The following BEND4 variants were observed in gnomAD, a reference collection of about 807,000 sequenced individuals.
BEND4 encodes the protein BEN domain containing 4.
Under a neutral mutation model 54.7 loss-of-function variants are expected in BEND4, and 27 were observed. That is an observed-to-expected ratio of 0.49 (90% CI 0.36 to 0.68). The LOEUF is 0.68. BEND4 is among the 30% of genes least tolerant of loss of function. The pLI is 0.00. For missense variants in BEND4, 702 were observed against 697.2 expected (o/e 1.01, Z -0.08); for synonymous variants, 327 against 299.5 (o/e 1.09, Z -0.95).
Position 42,125,620 on chromosome 4 carries a change from T to C in BEND4, c.1109A>G (p.Gln370Arg), listed in dbSNP as rs371169633. ...GTCAGCTGGCTGTGGTATCAGGAGTTGGTTGTGGTGCTGCAGAACCATCTT... is the reference window on the plus strand; with the variant it reads ...GTCAGCTGGCTGTGGTATCAGGAGTCGGTTGTGGTGCTGCAGAACCATCTT... ...YLKMVLQHHN[Q>R]LLIPQPADQP... The change falls in exon 4 of 6, where the codon CAA becomes CGA. Residue 370 changes from glutamine to arginine, a missense_variant. Physicochemically the swap from Gln to Arg is conservative, Grantham distance 43. Transcript: ENST00000502486. 2.7e-5 allele frequency: 43 copies of C among 1,613,712 alleles called. No homozygotes were observed. Among genetic ancestry groups the C allele is most frequent in the Non-Finnish European group, 3.1e-5 (37 of 1,179,812 alleles).
intron 2 of BEND4, among the ~76,000 whole-genome samples, chr4:42,145,817 G>A (rs556251085): frequency 6.6e-6 from 1 of 152,094 alleles, no homozygotes. Context: ...ACAGAGGCCA[G>A]ATCTCTTCTA....
intron 2 of BEND4, among the ~76,000 whole-genome samples, chr4:42,147,450 A>G (rs534402095): frequency 6.6e-6 from 1 of 152,030 alleles, no homozygotes; most frequent in Admixed American, 6.5e-5. Context: ...TTAACTCAGC[A>G]AACTGTGAAC....
Position 42,152,205 on chromosome 4 carries a change from G to C in BEND4, c.-62C>G. 1 of 1,230,188 alleles carries C rather than the reference G, an allele frequency of 8.1e-7. No homozygotes were observed. The highest frequency in any genetic ancestry group is 4.1e-5 in the South Asian group (1 of 24,216). 76.2% of individuals were successfully genotyped at this position (1,230,188 alleles called of 1,614,324 possible). A position where few individuals can be genotyped will look rare whatever the true frequency, so the allele number is the denominator to read the frequency against. On this transcript the variant is annotated 5_prime_UTR_variant, in exon 2 of 6. Transcript: ENST00000502486. Reference sequence around the variant, plus strand: ...CTCCCCGCCGGGCGCCGGGCTCCGAGGGTGCCTCCGCCGCCTGCCCGCCGG... The same window carrying C: ...CTCCCCGCCGGGCGCCGGGCTCCGACGGTGCCTCCGCCGCCTGCCCGCCGG...
chr4:42,136,700 TCTCA>T (rs1239287428), intron 3 of BEND4, among the ~76,000 whole-genome samples: 2 of 152,230 alleles, frequency 1.3e-5, no homozygotes, highest in Non-Finnish European at 2.9e-5. Flanking sequence ...TTGTTGGTGA[TCTCA>T]CTGTTTCAAA....
chr4:42,150,181 GAA>G (rs1721214208), intron 2 of BEND4, among the ~76,000 whole-genome samples: 5 of 151,844 alleles, frequency 3.3e-5, no homozygotes, highest in African/African-American at 4.8e-5. Context: ...CAGAAAGAAA[GAA>G]AATGAACCTC....
At chr4:42,138,111 A>G (rs544109472) in intron 3 of BEND4, among the ~76,000 whole-genome samples, 1 of 152,340 alleles carries the variant, frequency 6.6e-6, no homozygotes, top group South Asian at 2.1e-4. Flanking sequence ...TGAAATCAAC[A>G]TCTTGTAAAG....
At chr4:42,123,222 A>AT (rs1362173389) in intron 4 of BEND4, among the ~76,000 whole-genome samples, 3 of 152,194 alleles carry the variant, frequency 2.0e-5, no homozygotes, top group Admixed American at 6.5e-5. Context: ...AATAATAAAA[A>AT]CGAGAAAATG....
chr4:42,118,929 C>T (rs1174218072), intron 5 of BEND4, among the ~76,000 whole-genome samples: 2 of 152,128 alleles, frequency 1.3e-5, no homozygotes, highest in Admixed American at 6.5e-5. Flanking sequence ...AGCACTTGTG[C>T]CTAGTAAATA....
intron 5 of BEND4, among the ~76,000 whole-genome samples, chr4:42,119,302 C>T (rs1295462925): frequency 1.3e-5 from 2 of 152,088 alleles, no homozygotes; most frequent in African/African-American, 4.8e-5. Flanking sequence ...AAAACTGCCA[C>T]TGAACTGTAT....
rs1015821377 is a variant in BEND4, at chr4:42,151,991, G to A, written c.153C>T (p.His51=). The change falls in exon 2 of 6, where the codon CAC becomes CAT. Residue 51 remains histidine, a synonymous_variant. Coordinates refer to ENST00000502486, the MANE Select transcript of BEND4 (RefSeq NM_207406.4). ...YERPTLVELP[H]VRAPPPPPPP... is the part of the protein sequence containing the mutation. The stretch of plus-strand genomic sequence containing the variant: ...GCGGGGGCGGCGGGGGCGCCCGCAC[G>A]TGCGGCAGCTCCACCAGGGTGGGTC... The A allele has an allele frequency of 7.2e-6, 9 of 1,254,226 alleles. No homozygotes were observed. In the African/African-American group the frequency reaches 1.2e-4, roughly 17 times the overall value. 77.7% of individuals were successfully genotyped at this position (1,254,226 alleles called of 1,614,324 possible). A position where few individuals can be genotyped will look rare whatever the true frequency, so the allele number is the denominator to read the frequency against.
intron 3 of BEND4, among the ~76,000 whole-genome samples, chr4:42,127,451 C>T (rs1720329526): frequency 6.6e-6 from 1 of 152,224 alleles, no homozygotes; most frequent in Admixed American, 6.5e-5. Flanking sequence ...CCTAATTTCA[C>T]CAGCTTCTTA....
intron 3 of BEND4, among the ~76,000 whole-genome samples, chr4:42,135,923 G>A (rs930890225): frequency 7.2e-5 from 11 of 152,126 alleles, no homozygotes; most frequent in African/African-American, 1.7e-4. Context: ...ATTCAAACAC[G>A]GCTTTGACTC....
rs184641828 is a variant in BEND4 at position 42,148,844 on chromosome 4, G to A, written c.487+2813C>T. On this transcript the variant is annotated intron_variant, in intron 2 of 5. Transcript: ENST00000502486. The stretch of plus-strand genomic sequence containing the variant: ...TAGGCTGCATATCAAGATCTACGTG[G>A]GTTTTAACTCTAAGCCTCCCACAGA... Among the ~76,000 whole-genome samples the A allele has an allele frequency of 2.6e-5, 4 of 152,112 alleles. No individual in the cohort carries two copies. The East Asian group carries it at 5.8e-4, about 22-fold the overall frequency.
rs558703209 is a variant in BEND4, at chr4:42,136,286, A to C, written c.1054+7142T>G. ...TCTAAGGGCGTTTTGTTCTTGCAAA[A>C]TTCCTGTTATCCAAAAACTGACATG... On this transcript the variant is annotated intron_variant, in intron 3 of 5. Transcript: ENST00000502486. Among the ~76,000 whole-genome samples the C allele has an allele frequency of 2.0e-5, 3 of 152,268 alleles. No individual in the cohort carries two copies. In the South Asian group the frequency reaches 6.2e-4, roughly 32 times the overall value.
In BEND4 at chr4:42,112,775, C is replaced by T. The variant is rs566654265; in HGVS notation, c.*4743G>A. 6.6e-6 allele frequency: 1 copy of T among 151,822 alleles called. No homozygotes were observed. The highest frequency in any genetic ancestry group is 2.4e-5 in the African/African-American group (1 of 41,296). The allele number at this position is 151,822 out of a possible 1,614,324, so 9.4% of individuals were successfully genotyped here. ...ACTTTTACATTTTACATTTAGAAGG[C>T]AAATATTGATGGGTTATTATTTTTG... On this transcript the variant is annotated 3_prime_UTR_variant, in exon 6 of 6. Transcript: ENST00000502486.
At chr4:42,134,462 A>G (rs1304799605) in intron 3 of BEND4, among the ~76,000 whole-genome samples, 27 of 152,200 alleles carry the variant, frequency 1.8e-4, no homozygotes, top group Admixed American at 1.6e-3. Context: ...ATGCATTGTT[A>G]TATTTTTGTT....
At chr4:42,120,907 C>T (rs1720033391) in intron 4 of BEND4, among the ~76,000 whole-genome samples, 1 of 152,164 alleles carries the variant, frequency 6.6e-6, no homozygotes, top group Non-Finnish European at 1.5e-5. Flanking sequence ...ACTATGTCAA[C>T]TCAAAATTTT....
rs1719877650 is a variant in BEND4 at position 42,117,321 on chromosome 4, T to C, written c.*197A>G. On this transcript the variant is annotated 3_prime_UTR_variant, in exon 6 of 6. Transcript: ENST00000502486. The stretch of plus-strand genomic sequence containing the variant: ...GTAGTTTTTTCTTTTTATAATATAA[T>C]ATTCCAAAAGTCTGTTGTAGGTGCC... 1 of 513,044 alleles carries C rather than the reference T, an allele frequency of 1.9e-6. No homozygotes were observed. The highest frequency in any genetic ancestry group is 3.2e-5 in the South Asian group (1 of 31,384). The allele number at this position is 513,044 out of a possible 1,614,324, so 31.8% of individuals were successfully genotyped here. A position where few individuals can be genotyped will look rare whatever the true frequency, so the allele number is the denominator to read the frequency against.
At chr4:42,145,270 A>G (rs539844788) in intron 2 of BEND4, among the ~76,000 whole-genome samples, 3 of 152,354 alleles carry the variant, frequency 2.0e-5, no homozygotes, top group Non-Finnish European at 4.4e-5. Flanking sequence ...AGGAAACCAC[A>G]CTACAGGAGA....
Sources: allele counts gnomAD v4.1 joint callset (sites outside exome capture counted in the v4.1 genomes callset), GRCh38; gene constraint gnomAD v4.1.1; transcripts MANE v1.5; gene names NCBI Gene and HGNC (gene_info 2026-07-23, HGNC 2026-07-21).